The following PATJ variants were observed in gnomAD, a reference collection of about 807,000 sequenced individuals.
PATJ encodes the protein inaD-like protein.
A neutral mutation model predicts 224.9 loss-of-function variants in PATJ; 190 were observed. That is an observed-to-expected ratio of 0.84 (90% CI 0.75 to 0.95). PATJ has a LOEUF of 0.95. PATJ is among the 40% of genes least tolerant of loss of function. PATJ has a pLI of 0.00. For synonymous variants in PATJ, 769 were observed against 820.3 expected (o/e 0.94, Z 1.07); for missense variants, 2,121 against 2,270.3 (o/e 0.93, Z 1.34).
At position 62,155,666 on chromosome 1, in the gene PATJ, C is replaced by T. The variant is rs1669109767; in HGVS notation, c.5502+2185C>T. On this transcript the variant is annotated intron_variant, in intron 43 of 43. Transcript: ENST00000642238. Reference sequence around the variant, plus strand: ...GTATTTCGTTACTTACAGAATGGCACACCTAAAAATGAAAAGCTCTGAATT... The same window carrying T: ...GTATTTCGTTACTTACAGAATGGCATACCTAAAAATGAAAAGCTCTGAATT... Among the ~76,000 whole-genome samples, 3 of 144,454 alleles carry T rather than the reference C, an allele frequency of 2.1e-5. No homozygotes were observed. In the Admixed American group the frequency reaches 2.1e-4, roughly 10 times the overall value. 94.8% of individuals were successfully genotyped at this position (144,454 alleles called of 152,430 possible). A position where few individuals can be genotyped will look rare whatever the true frequency, so the allele number is the denominator to read the frequency against.
intron 24 of PATJ, among the ~76,000 whole-genome samples, chr1:61,902,375 A>G (rs1287615701): frequency 6.6e-6 from 1 of 151,950 alleles, no homozygotes; most frequent in Non-Finnish European, 1.5e-5. Context: ...TTATGATGCT[A>G]ACTGTTAATC....
intron 15 of PATJ, among the ~76,000 whole-genome samples, chr1:61,826,702 A>C (rs1490824647): frequency 1.3e-5 from 2 of 152,180 alleles, no homozygotes; most frequent in Non-Finnish European, 2.9e-5. Flanking sequence ...AATAAAGAAT[A>C]CTTTTTTCTT....
At chr1:61,823,936 G>C (rs1657745645) in intron 15 of PATJ, among the ~76,000 whole-genome samples, 2 of 152,142 alleles carry the variant, frequency 1.3e-5, no homozygotes, top group Admixed American at 1.3e-4. Flanking sequence ...AAGCATGGGA[G>C]GGTAGGGTAT....
At chr1:62,144,309 G>A (rs1171532301) in intron 41 of PATJ, among the ~76,000 whole-genome samples, 1 of 152,060 alleles carries the variant, frequency 6.6e-6, no homozygotes, top group Non-Finnish European at 1.5e-5. Context: ...ACATAGCAGT[G>A]TTTTCCCCAG....
At chr1:61,901,803 A>C (rs1671193500) in intron 24 of PATJ, among the ~76,000 whole-genome samples, 1 of 152,186 alleles carries the variant, frequency 6.6e-6, no homozygotes, top group Non-Finnish European at 1.5e-5. Context: ...AAATTTTATA[A>C]TTATGTGTCA....
chr1:61,970,636 G>A (rs1026462743), intron 27 of PATJ, among the ~76,000 whole-genome samples: 44 of 152,186 alleles, frequency 2.9e-4, no homozygotes, highest in African/African-American at 1.0e-3. Flanking sequence ...AGGATTGCAG[G>A]CATGTGCCAC....
chr1:61,835,810 G>A (rs762525154), intron 17 of PATJ, among the ~76,000 whole-genome samples: 42 of 152,298 alleles, frequency 2.8e-4, no homozygotes, highest in Admixed American at 1.5e-3. Flanking sequence ...GGAATTGAAT[G>A]AACAGATTTA....
intron 31 of PATJ, among the ~76,000 whole-genome samples, chr1:62,053,667 C>T (rs1002238357): frequency 6.6e-6 from 1 of 151,868 alleles, no homozygotes; most frequent in African/African-American, 2.4e-5. Flanking sequence ...TGCAGTGAGC[C>T]GAGATCGCGC....
chr1:61,949,335 T>C (rs781644848), intron 27 of PATJ, among the ~76,000 whole-genome samples: 34 of 151,804 alleles, frequency 2.2e-4, no homozygotes, highest in African/African-American at 3.9e-4. Flanking sequence ...TGGGTTGCGA[T>C]TGGGTTTGAT....
rs1669995216 is a variant in PATJ, at chr1:62,163,770, C to T, written c.*2716C>T. ...GAAGTAGTGCTCTTATATTTGGCCT[C>T]ATCATTTGGGCCATTTCAGTATAGT... On this transcript the variant is annotated 3_prime_UTR_variant, in exon 44 of 44. Transcript: ENST00000642238. The T allele has an allele frequency of 6.6e-6, 1 of 152,112 alleles. No homozygotes were observed. The highest frequency in any genetic ancestry group is 2.1e-4 in the South Asian group (1 of 4,830). 9.4% of individuals were successfully genotyped at this position (152,112 alleles called of 1,614,324 possible). A position where few individuals can be genotyped will look rare whatever the true frequency, so the allele number is the denominator to read the frequency against.
intron 17 of PATJ, among the ~76,000 whole-genome samples, chr1:61,845,914 G>A (rs986773392): frequency 2.6e-5 from 4 of 152,130 alleles, no homozygotes; most frequent in Non-Finnish European, 5.9e-5. Context: ...TATCTGGAGG[G>A]CATAGATTCA....
At chr1:61,964,393 A>G (rs1430209978) in intron 27 of PATJ, among the ~76,000 whole-genome samples, 1 of 152,182 alleles carries the variant, frequency 6.6e-6, no homozygotes, top group Non-Finnish European at 1.5e-5. Context: ...AAAAAGCAGT[A>G]TAATTTCTTA....
chr1:62,101,394 C>T (rs1019219880), intron 33 of PATJ, among the ~76,000 whole-genome samples: 1 of 151,452 alleles, frequency 6.6e-6, no homozygotes, highest in Non-Finnish European at 1.5e-5. Context: ...CTCTGAGTAG[C>T]TGGGACTACA....
chr1:62,112,841 C>T (rs1422489211), intron 34 of PATJ, among the ~76,000 whole-genome samples: 1 of 152,160 alleles, frequency 6.6e-6, no homozygotes, highest in East Asian at 1.9e-4. Flanking sequence ...GACAGGGGAT[C>T]TCCAGTAACC....
intron 29 of PATJ, among the ~76,000 whole-genome samples, chr1:62,027,249 C>T (rs559285866): frequency 3.7e-4 from 56 of 152,326 alleles, no homozygotes; most frequent in Admixed American, 3.1e-3. Context: ...TGGTATATTT[C>T]ACTTAGCATG....
intron 41 of PATJ, among the ~76,000 whole-genome samples, chr1:62,132,441 T>C (rs993189031): frequency 1.3e-5 from 2 of 152,044 alleles, no homozygotes; most frequent in African/African-American, 4.8e-5. Flanking sequence ...GAGGTTGTAG[T>C]GAGCCAAGAT....
chr1:61,933,856 T>C (rs1676405243), intron 27 of PATJ, among the ~76,000 whole-genome samples: 2 of 152,200 alleles, frequency 1.3e-5, no homozygotes, highest in Admixed American at 1.3e-4. Flanking sequence ...CTTCTGTTTG[T>C]TATTTCTCTT....
At chr1:61,954,216 A>G (rs79889387) in intron 27 of PATJ, among the ~76,000 whole-genome samples, 4,266 of 152,302 alleles carry the variant, frequency 0.028, 87 homozygotes, top group Middle Eastern at 0.044. Flanking sequence ...ACACTTTGGT[A>G]GTCTTATGAC....
At chr1:61,804,925 C>G (rs1283378354) in intron 12 of PATJ, among the ~76,000 whole-genome samples, 3 of 152,174 alleles carry the variant, frequency 2.0e-5, no homozygotes, top group Non-Finnish European at 4.4e-5. Context: ...TTAAACCAGA[C>G]AAGCCTTTAT....
Sources: allele counts gnomAD v4.1 joint callset (sites outside exome capture counted in the v4.1 genomes callset), GRCh38; gene constraint gnomAD v4.1.1; transcripts MANE v1.5; gene names NCBI Gene and HGNC (gene_info 2026-07-23, HGNC 2026-07-21).